The following PKIA variants were observed in gnomAD, a reference collection of about 807,000 sequenced individuals.
PKIA encodes PKI-alpha.
A neutral mutation model predicts 7.6 loss-of-function variants in PKIA; 4 were observed. The observed-to-expected ratio is 0.52, with a 90% CI of 0.26 to 1.20. PKIA has a LOEUF of 1.20. Among genes scored for constraint, PKIA ranks in the 50% most tolerant of loss-of-function variants. The pLI is 0.13. For synonymous variants in PKIA, 21 were observed against 30.7 expected (o/e 0.68, Z 1.04); for missense variants, 73 against 86.2 (o/e 0.85, Z 0.61).
intron 1 of PKIA, chr8:78,534,976 C>G (rs916868762): frequency 1.3e-5 from 2 of 152,082 alleles, no homozygotes; most frequent in Non-Finnish European, 2.9e-5. Flanking sequence ...GTTTCCCTGC[C>G]AAGAAATCAC....
intron 2 of PKIA, among the ~76,000 whole-genome samples, chr8:78,581,773 A>G (rs539254945): frequency 6.6e-6 from 1 of 152,224 alleles, no homozygotes; most frequent in African/African-American, 2.4e-5. Context: ...TCCTTTTGTT[A>G]TTAAGGGCAT....
chr8:78,586,944 T>C lies in PKIA; in HGVS notation c.-27-11414T>C, dbSNP rs113941201. Among the ~76,000 whole-genome samples, 766 of 152,350 alleles carry C rather than the reference T, an allele frequency of 5.0e-3. 10 individuals carry two copies. Among genetic ancestry groups the C allele is most frequent in the African/African-American group, 0.016 (649 of 41,594 alleles). On this transcript the variant is annotated intron_variant, in intron 2 of 3. Coordinates refer to ENST00000396418, the MANE Select transcript of PKIA (RefSeq NM_006823.4). ...ATAATCCATATACACAGATGTGATA[T>C]CTGGCACATATGTAATATTTGTTTT...
At chr8:78,574,176 G>A (rs1346461920) in intron 2 of PKIA, among the ~76,000 whole-genome samples, 1 of 151,934 alleles carries the variant, frequency 6.6e-6, no homozygotes, top group African/African-American at 2.4e-5. Context: ...GGTATAGTGT[G>A]ATGTTTAATG....
intron 1 of PKIA, among the ~76,000 whole-genome samples, chr8:78,536,862 A>G (rs1402411832): frequency 5.3e-5 from 1 of 18,884 alleles, no homozygotes; most frequent in Non-Finnish European, 1.0e-4. Flanking sequence ...GAAAACATAC[A>G]CACACACACA....
chr8:78,586,201 G>C (rs1041773510), intron 2 of PKIA, among the ~76,000 whole-genome samples: 1 of 151,998 alleles, frequency 6.6e-6, no homozygotes, highest in Admixed American at 6.6e-5. Flanking sequence ...CTGGGCAATT[G>C]CACTTTTGGA....
chr8:78,588,703 C>T (rs1808019482), intron 2 of PKIA, among the ~76,000 whole-genome samples: 1 of 151,748 alleles, frequency 6.6e-6, no homozygotes, highest in Non-Finnish European at 1.5e-5. Context: ...AACAGTCCTC[C>T]TAAGTTAATA....
chr8:78,559,982 T>C (rs1240841301), intron 1 of PKIA, among the ~76,000 whole-genome samples: 4 of 152,240 alleles, frequency 2.6e-5, no homozygotes, highest in African/African-American at 4.8e-5. Context: ...AATTAATTCC[T>C]AAAGGTAATT....
At chr8:78,580,446 G>A (rs1387563150) in intron 2 of PKIA, among the ~76,000 whole-genome samples, 2 of 151,990 alleles carry the variant, frequency 1.3e-5, no homozygotes, top group African/African-American at 4.8e-5. Context: ...GCCATTCGAT[G>A]AGGCCTAGTA....
At chr8:78,579,956 G>A (rs1459708265) in intron 2 of PKIA, among the ~76,000 whole-genome samples, 1 of 152,118 alleles carries the variant, frequency 6.6e-6, no homozygotes, top group South Asian at 2.1e-4. Context: ...ATGGGCTGGT[G>A]CAGAGCACCA....
intron 1 of PKIA, among the ~76,000 whole-genome samples, chr8:78,533,209 A>G (rs1161643843): frequency 6.6e-6 from 1 of 152,118 alleles, no homozygotes; most frequent in African/African-American, 2.4e-5. Flanking sequence ...AGTAAATATT[A>G]ACATGCTCTA....
intron 1 of PKIA, among the ~76,000 whole-genome samples, chr8:78,567,806 A>G (rs966108029): frequency 6.6e-6 from 1 of 152,210 alleles, no homozygotes; most frequent in Non-Finnish European, 1.5e-5. Context: ...ATCTGTGGAC[A>G]TTAATTTTAT....
rs377009688 is a variant in PKIA, at chr8:78,535,033, T to G, written c.-157+18565T>G. On this transcript the variant is annotated intron_variant, in intron 1 of 3. Transcript: ENST00000396418. ...GATGCAGGCTATTTACTGCCATGAG[T>G]TGAAAAAATTAGTGAGCTACCTTTT... 1.4e-4 allele frequency: 22 copies of G among 152,234 alleles called. 1 individual carries two copies. The East Asian group carries it at 2.9e-3, about 20-fold the overall frequency. 9.4% of individuals were successfully genotyped at this position (152,234 alleles called of 1,614,324 possible).
chr8:78,567,323 G>A (rs1807438267), intron 1 of PKIA, among the ~76,000 whole-genome samples: 1 of 152,012 alleles, frequency 6.6e-6, no homozygotes, highest in East Asian at 1.9e-4. Flanking sequence ...TCAGGATACT[G>A]TATTACATTT....
chr8:78,592,138 A>G (rs1420205483), intron 2 of PKIA, among the ~76,000 whole-genome samples: 1 of 152,130 alleles, frequency 6.6e-6, no homozygotes, highest in African/African-American at 2.4e-5. Context: ...AAAAATAGCC[A>G]CTAGGCAGGT....
intron 2 of PKIA, among the ~76,000 whole-genome samples, chr8:78,585,219 A>G: frequency 1.3e-5 from 2 of 152,094 alleles, no homozygotes; most frequent in South Asian, 4.1e-4. Flanking sequence ...TGATATATCC[A>G]TTATATATTT....
At chr8:78,567,325 A>G (rs1461373117) in intron 1 of PKIA, among the ~76,000 whole-genome samples, 1 of 152,080 alleles carries the variant, frequency 6.6e-6, no homozygotes, top group Non-Finnish European at 1.5e-5. Flanking sequence ...AGGATACTGT[A>G]TTACATTTAG....
At chr8:78,546,023 C>T (rs904871342) in intron 1 of PKIA, among the ~76,000 whole-genome samples, 2 of 152,172 alleles carry the variant, frequency 1.3e-5, no homozygotes, top group African/African-American at 2.4e-5. Context: ...CCCAGGTTTG[C>T]TAGAGTTTAC....
At chr8:78,553,055 A>G (rs1385219767) in intron 1 of PKIA, among the ~76,000 whole-genome samples, 2 of 151,534 alleles carry the variant, frequency 1.3e-5, no homozygotes, top group African/African-American at 4.8e-5. Flanking sequence ...ACATTTACAT[A>G]TACACACATA....
intron 1 of PKIA, among the ~76,000 whole-genome samples, chr8:78,544,074 T>C (rs1806761895): frequency 6.6e-6 from 1 of 152,152 alleles, no homozygotes; most frequent in Non-Finnish European, 1.5e-5. Flanking sequence ...CCATTTACTA[T>C]AATATACTTA....
Sources: allele counts gnomAD v4.1 joint callset (sites outside exome capture counted in the v4.1 genomes callset), GRCh38; gene constraint gnomAD v4.1.1; transcripts MANE v1.5; gene names NCBI Gene and HGNC (gene_info 2026-07-23, HGNC 2026-07-21).